MALRD1: variants seen among roughly 807,000 people sequenced by gnomAD.
The protein encoded by MALRD1 is MAM and LDL receptor class A domain containing 1.
In MALRD1, 247 loss-of-function variants were observed where a neutral mutation model predicts 242.1. The ratio of observed to expected loss-of-function variants is 1.02; its 90% CI spans 0.92 to 1.13. MALRD1 has a LOEUF of 1.13. Ranked by LOEUF, MALRD1 falls within the 50% of genes most tolerant of loss-of-function variation. MALRD1 has a pLI of 0.00. For missense variants in MALRD1, 2,989 were observed against 2,533.1 expected (o/e 1.18, Z -3.86); for synonymous variants, 995 against 866.6 (o/e 1.15, Z -2.60).
At chr10:19,515,599 G>C (rs1833591321) in intron 31 of MALRD1, among the ~76,000 whole-genome samples, 1 of 151,178 alleles carries the variant, frequency 6.6e-6, no homozygotes. Flanking sequence ...TCGCTCTGTT[G>C]CCCAGGCTGG....
At chr10:19,354,623 A>G (rs1469647792) in intron 26 of MALRD1, among the ~76,000 whole-genome samples, 1 of 151,906 alleles carries the variant, frequency 6.6e-6, no homozygotes, top group East Asian at 1.9e-4. Flanking sequence ...AACACGTGAT[A>G]TTTGTCTCTC....
chr10:19,615,845 G>A lies in MALRD1; in HGVS notation c.6071-12G>A. On this transcript the variant is annotated splice_polypyrimidine_tract_variant and intron_variant, in intron 35 of 39. Transcript: ENST00000454679. The stretch of plus-strand genomic sequence containing the variant: ...TATAATTAACTGGTGTCTTTGTGAT[G>A]CTTCTTTTTAGAATGTCCATTAAAT... 6.6e-7 allele frequency: 1 copy of A among 1,523,314 alleles called. No homozygotes were observed. The highest frequency in any genetic ancestry group is 8.8e-7 in the Non-Finnish European group (1 of 1,138,616). The allele number at this position is 1,523,314 out of a possible 1,614,324, so 94.4% of individuals were successfully genotyped here. A position where few individuals can be genotyped will look rare whatever the true frequency, so the allele number is the denominator to read the frequency against.
chr10:19,722,651 A>G (rs2131912560), intron 38 of MALRD1: 1 of 146,760 alleles, frequency 6.8e-6, no homozygotes, highest in Non-Finnish European at 1.5e-5. Context: ...TACAGTGATT[A>G]TTAATTTTGA....
intron 2 of MALRD1, among the ~76,000 whole-genome samples, chr10:19,086,153 A>C: frequency 6.6e-6 from 1 of 152,092 alleles, no homozygotes; most frequent in East Asian, 1.9e-4. Flanking sequence ...GTCTCTGACT[A>C]TATTCATAAG....
chr10:19,266,678 C>G (rs895425391), intron 19 of MALRD1, among the ~76,000 whole-genome samples: 3 of 151,808 alleles, frequency 2.0e-5, no homozygotes, highest in African/African-American at 7.3e-5. Context: ...ACTATAGCAT[C>G]AGTAATTTGT....
chr10:19,069,549 T>C (rs1250728950), intron 2 of MALRD1, among the ~76,000 whole-genome samples: 1 of 152,062 alleles, frequency 6.6e-6, no homozygotes, highest in Admixed American at 6.6e-5. Flanking sequence ...TTGAAGAAAT[T>C]CCTTTAGTAT....
At chr10:19,706,157 G>A (rs1833855321) in intron 38 of MALRD1, among the ~76,000 whole-genome samples, 1 of 152,104 alleles carries the variant, frequency 6.6e-6, no homozygotes, top group Admixed American at 6.5e-5. Context: ...GGGAGTTCAA[G>A]AAAATAAAAG....
intron 26 of MALRD1, among the ~76,000 whole-genome samples, chr10:19,358,964 TG>T: frequency 6.6e-6 from 1 of 152,234 alleles, no homozygotes; most frequent in African/African-American, 2.4e-5. Flanking sequence ...TTGCTAAATG[TG>T]GTGGTTTAAC....
At chr10:19,120,527 A>G (rs1397689338) in intron 5 of MALRD1, among the ~76,000 whole-genome samples, 4 of 152,204 alleles carry the variant, frequency 2.6e-5, no homozygotes, top group Non-Finnish European at 5.9e-5. Context: ...AAAGGAACCA[A>G]GCACAAAGGC....
chr10:19,477,184 T>C (rs1030261314), intron 29 of MALRD1, among the ~76,000 whole-genome samples: 7 of 152,168 alleles, frequency 4.6e-5, no homozygotes, highest in African/African-American at 1.7e-4. Flanking sequence ...ATAAAAGGAA[T>C]ATATTATTGC....
At chr10:19,407,002 TG>T (rs1833055588) in intron 28 of MALRD1, among the ~76,000 whole-genome samples, 1 of 152,200 alleles carries the variant, frequency 6.6e-6, no homozygotes, top group Non-Finnish European at 1.5e-5. Context: ...TGCTGCTTCC[TG>T]TCTTAAATGA....
intron 24 of MALRD1, among the ~76,000 whole-genome samples, chr10:19,331,846 G>A (rs1039188797): frequency 3.1e-4 from 47 of 152,184 alleles, no homozygotes; most frequent in African/African-American, 1.1e-3. Flanking sequence ...AAGAAAAACA[G>A]AATGGAAACA....
chr10:19,301,017 A>T (rs994321748), intron 21 of MALRD1, among the ~76,000 whole-genome samples: 2 of 151,966 alleles, frequency 1.3e-5, no homozygotes, highest in African/African-American at 4.8e-5. Context: ...AATCAAACAC[A>T]CAAAACCAAA....
intron 26 of MALRD1, among the ~76,000 whole-genome samples, chr10:19,377,200 CA>C (rs1465738966): frequency 6.6e-6 from 1 of 151,918 alleles, no homozygotes; most frequent in African/African-American, 2.4e-5. Flanking sequence ...TTAACTTTTG[CA>C]AAGTGGAGAG....
chr10:19,713,828 T>C (rs2025788), intron 38 of MALRD1, among the ~76,000 whole-genome samples: 91,841 of 152,106 alleles, frequency 0.6, 28,518 homozygotes, highest in African/African-American at 0.75. Context: ...AAGGTTCTGG[T>C]CAATGAGAAA....
intron 32 of MALRD1, among the ~76,000 whole-genome samples, chr10:19,563,276 C>T (rs552939656): frequency 6.6e-5 from 10 of 152,246 alleles, no homozygotes; most frequent in African/African-American, 2.2e-4. Flanking sequence ...TTATGTCCAT[C>T]CTGTATCAAC....
intron 34 of MALRD1, among the ~76,000 whole-genome samples, chr10:19,602,628 C>T (rs1564475900): frequency 1.3e-5 from 2 of 152,024 alleles, no homozygotes; most frequent in African/African-American, 4.8e-5. Context: ...CAAGTCTTTG[C>T]TATTGTGAAT....
Position 19,257,741 on chromosome 10 carries a change from C to G in MALRD1, c.3049C>G (p.Leu1017Val). 6.5e-7 allele frequency: 1 copy of G among 1,541,860 alleles called. No homozygotes were observed. Among genetic ancestry groups the G allele is most frequent in the South Asian group, 1.2e-5 (1 of 82,426 alleles). The change falls in exon 19 of 40, where the codon CTG becomes GTG. Residue 1017 changes from leucine (L) to valine (V), a missense_variant. Physicochemically the swap from Leu to Val is conservative, Grantham distance 32. Coordinates refer to ENST00000454679, the MANE Select transcript of MALRD1 (RefSeq NM_001142308.3). Reference protein sequence around the residue: ...GFTGDIAIDDLSFMDCTLYPG... With the variant: ...GFTGDIAIDDVSFMDCTLYPG... The stretch of plus-strand genomic sequence containing the variant: ...CACTGGAGATATTGCGATTGATGAT[C>G]TGTCATTTATGGACTGCACCCTCTA...
intron 22 of MALRD1, among the ~76,000 whole-genome samples, chr10:19,324,494 CT>C (rs1211544267): frequency 1.3e-5 from 2 of 151,840 alleles, no homozygotes; most frequent in Non-Finnish European, 2.9e-5. Flanking sequence ...CTGTAATAGT[CT>C]TTTTCAAAAT....
Sources: gnomAD v4.1 joint callset for allele counts (sites outside exome capture counted in the v4.1 genomes callset) on GRCh38, gnomAD v4.1.1 for gene constraint, MANE v1.5 for transcripts, NCBI Gene and HGNC (gene_info 2026-07-23, HGNC 2026-07-21) for gene names.